The following FHIT variants were observed in gnomAD, a reference collection of about 807,000 sequenced individuals.
FHIT encodes bis(5'-adenosyl)-triphosphatase.
In FHIT, 19 loss-of-function variants were observed where a neutral mutation model predicts 17.9. The ratio of observed to expected loss-of-function variants is 1.06; its 90% CI spans 0.74 to 1.56. The LOEUF (loss-of-function observed/expected upper bound fraction) is 1.56, where lower values mean the gene tolerates loss of function less well. FHIT is among the 40% of genes most tolerant of loss of function. The probability of loss-of-function intolerance (pLI) is 0.00; values close to 1 mark genes in which losing one functional copy is unlikely to be tolerated. For missense variants in FHIT, 248 were observed against 189.2 expected (o/e 1.31, Z -1.82); for synonymous variants, 81 against 69.7 (o/e 1.16, Z -0.81).
chr3:60,284,919 A>G (rs1707648995), intron 5 of FHIT, among the ~76,000 whole-genome samples: 1 of 152,162 alleles, frequency 6.6e-6, no homozygotes, highest in Non-Finnish European at 1.5e-5. Flanking sequence ...TGGCTTTGCT[A>G]TATACATTTT....
At chr3:60,262,379 T>C (rs982633968) in intron 5 of FHIT, among the ~76,000 whole-genome samples, 1 of 152,034 alleles carries the variant, frequency 6.6e-6, no homozygotes, top group Non-Finnish European at 1.5e-5. Context: ...AAACTTTACC[T>C]GAGCCCTGTG....
At chr3:60,752,882 A>T (rs772460602) in intron 4 of FHIT, among the ~76,000 whole-genome samples, 2 of 152,196 alleles carry the variant, frequency 1.3e-5, no homozygotes, top group Non-Finnish European at 2.9e-5. Flanking sequence ...AAACTGTATT[A>T]TGTCACTTTA....
chr3:59,915,338 C>A (rs536020136), intron 8 of FHIT, among the ~76,000 whole-genome samples: 1 of 152,150 alleles, frequency 6.6e-6, no homozygotes, highest in Non-Finnish European at 1.5e-5. Flanking sequence ...TAGAGTGACA[C>A]GTGATTAAAT....
At chr3:61,082,837 G>C (rs2035183393) in intron 2 of FHIT, among the ~76,000 whole-genome samples, 1 of 152,252 alleles carries the variant, frequency 6.6e-6, no homozygotes, top group East Asian at 1.9e-4. Context: ...TAAAGGGCTT[G>C]TTCAAATTCA....
chr3:60,682,677 AG>A (rs1553697230), intron 4 of FHIT, among the ~76,000 whole-genome samples: 72 of 152,348 alleles, frequency 4.7e-4, no homozygotes, highest in African/African-American at 1.7e-3. Flanking sequence ...GAGATGTAAA[AG>A]GAAATGAATG....
intron 3 of FHIT, among the ~76,000 whole-genome samples, chr3:61,031,467 T>TTGTTACTTGTATA (rs11276347): frequency 1.3e-5 from 2 of 152,054 alleles, no homozygotes; most frequent in African/African-American, 4.8e-5. Flanking sequence ...GTTGATTACT[T>TTGTTACTTGTATA]TATAGAGAGA....
chr3:59,988,364 T>C lies in FHIT; in HGVS notation c.279+23007A>G, dbSNP rs866780640. Among the ~76,000 whole-genome samples the C allele has an allele frequency of 1.3e-4, 20 of 152,122 alleles. 1 individual carries two copies. The highest frequency in any genetic ancestry group is 1.3e-3 in the Admixed American group (20 of 15,238). On this transcript the variant is annotated intron_variant, in intron 7 of 9. Transcript: ENST00000492590. ...TGTTTGGTATTTCTCTCACCTCTTA[T>C]GCCCTGGTGGAGTCTATTGTTGGTT...
intron 5 of FHIT, among the ~76,000 whole-genome samples, chr3:60,508,095 G>A (rs1176337469): frequency 2.6e-5 from 4 of 152,192 alleles, no homozygotes; most frequent in Admixed American, 1.3e-4. Flanking sequence ...GCTACATGGA[G>A]AATGTATTGC....
At chr3:60,569,913 T>G (rs2037316226) in intron 4 of FHIT, among the ~76,000 whole-genome samples, 1 of 151,674 alleles carries the variant, frequency 6.6e-6, no homozygotes, top group South Asian at 2.1e-4. Context: ...ATCATACAAT[T>G]CACCCATTGA....
intron 4 of FHIT, among the ~76,000 whole-genome samples, chr3:60,773,568 A>G (rs569271856): frequency 6.6e-6 from 1 of 152,180 alleles, no homozygotes; most frequent in African/African-American, 2.4e-5. Context: ...AAGTTAAACC[A>G]TTCCAGTATC....
At chr3:60,420,713 A>C (rs950300965) in intron 5 of FHIT, among the ~76,000 whole-genome samples, 2 of 152,170 alleles carry the variant, frequency 1.3e-5, no homozygotes, top group African/African-American at 4.8e-5. Flanking sequence ...TTCACTTTCA[A>C]AAAACTTGCA....
chr3:61,054,361 CT>C (rs35308129), intron 2 of FHIT, among the ~76,000 whole-genome samples: 68 of 151,032 alleles, frequency 4.5e-4, no homozygotes, highest in Admixed American at 5.3e-4. Context: ...CAAATTATCT[CT>C]TTTTTTTTCC....
chr3:61,206,393 A>G lies in FHIT; in HGVS notation c.-212-5728T>C, dbSNP rs547071414. 4.7e-5 allele frequency among the ~76,000 whole-genome samples: 7 copies of G among 147,514 alleles called. No homozygotes were observed. The South Asian group carries it at 1.6e-3, about 33-fold the overall frequency. ...GCTTCATGGGGATGGCATTGAATCTATAAATTACCTTGGGCATTATGGCCA... is the reference window on the plus strand; with the variant it reads ...GCTTCATGGGGATGGCATTGAATCTGTAAATTACCTTGGGCATTATGGCCA... On this transcript the variant is annotated intron_variant, in intron 1 of 9. Coordinates refer to ENST00000492590, the MANE Select transcript of FHIT (RefSeq NM_002012.4).
At chr3:60,623,142 A>C (rs1476714441) in intron 4 of FHIT, among the ~76,000 whole-genome samples, 4 of 152,246 alleles carry the variant, frequency 2.6e-5, no homozygotes, top group Non-Finnish European at 4.4e-5. Flanking sequence ...ATACGTAACA[A>C]GTAATCACTA....
At chr3:61,065,986 G>A (rs1030758484) in intron 2 of FHIT, among the ~76,000 whole-genome samples, 1 of 152,122 alleles carries the variant, frequency 6.6e-6, no homozygotes, top group Non-Finnish European at 1.5e-5. Context: ...AGATTTATTA[G>A]CTTACAATTC....
chr3:60,919,977 T>C (rs6446163), intron 3 of FHIT, among the ~76,000 whole-genome samples: 146,307 of 151,568 alleles, frequency 0.97, 70,822 homozygotes, highest in East Asian at 1. Context: ...GAGGTTGCAG[T>C]GAGCCGAGAT....
chr3:59,776,161 C>T (rs901232152), intron 8 of FHIT, among the ~76,000 whole-genome samples: 1 of 152,212 alleles, frequency 6.6e-6, no homozygotes, highest in Non-Finnish European at 1.5e-5. Context: ...GAAGCCCTCC[C>T]CTTTGGGAAT....
chr3:60,643,779 A>G (rs1359958608), intron 4 of FHIT, among the ~76,000 whole-genome samples: 1 of 152,222 alleles, frequency 6.6e-6, no homozygotes, highest in Admixed American at 6.5e-5. Flanking sequence ...CAAACCAGAA[A>G]GGAACGAATT....
In FHIT at chr3:60,007,497, CATT is replaced by C. The variant is rs771240707; in HGVS notation, c.279+3871_279+3873del. 7.8e-4 allele frequency among the ~76,000 whole-genome samples: 118 copies of C among 152,178 alleles called. 1 individual carries two copies. The highest frequency in any genetic ancestry group is 6.9e-4 in the Non-Finnish European group (47 of 68,038). On this transcript the variant is annotated intron_variant, in intron 7 of 9. Transcript: ENST00000492590. Reference sequence around the variant, plus strand: ...ACAAGCAAAGTTCCATTATCATCATCATTCTCTTCCCCACACAAAAGAGGCATA... The same window carrying C: ...ACAAGCAAAGTTCCATTATCATCATCCTCTTCCCCACACAAAAGAGGCATA...
Sources: gnomAD v4.1 joint callset for allele counts (sites outside exome capture counted in the v4.1 genomes callset) on GRCh38, gnomAD v4.1.1 for gene constraint, MANE v1.5 for transcripts, NCBI Gene and HGNC (gene_info 2026-07-23, HGNC 2026-07-21) for gene names.